UGGT2: variants seen among roughly 807,000 people sequenced by gnomAD.
UGGT2 encodes UDP-glucose glycoprotein glucosyltransferase 2.
UGGT2 carries 180 observed loss-of-function variants against 192.1 expected under a neutral mutation model. That is an observed-to-expected ratio of 0.94 (90% CI 0.83 to 1.06). The LOEUF is 1.06. UGGT2 is among the 50% of genes least tolerant of loss of function. The pLI is 0.00. For synonymous variants in UGGT2, 580 were observed against 591.0 expected (o/e 0.98, Z 0.27); for missense variants, 1,849 against 1,795.7 (o/e 1.03, Z -0.54).
chr13:96,049,553 A>G (rs1424849293), intron 1 of UGGT2, among the ~76,000 whole-genome samples: 1 of 152,216 alleles, frequency 6.6e-6, no homozygotes. Flanking sequence ...CTGTTGGCAG[A>G]TGATATGATT....
intron 26 of UGGT2, among the ~76,000 whole-genome samples, chr13:95,887,048 CA>C (rs1245738573): frequency 6.7e-6 from 1 of 150,236 alleles, no homozygotes; most frequent in Non-Finnish European, 1.5e-5. Flanking sequence ...AACCTGTCTC[CA>C]AAAAAAATAA....
At chr13:96,013,612 A>T in intron 4 of UGGT2, 131 bp from the exon 5 acceptor site, 1 of 628,668 alleles carries the variant, frequency 1.6e-6, no homozygotes, top group Non-Finnish European at 2.3e-6. Flanking sequence ...ATTTCCTGTG[A>T]TGACTTTGTA....
chr13:95,887,935 A>T lies in UGGT2; in HGVS notation c.2995T>A (p.Phe999Ile), dbSNP rs138386051. 1 of 1,604,288 alleles carries T rather than the reference A, an allele frequency of 6.2e-7. No homozygotes were observed. Among genetic ancestry groups the T allele is most frequent in the South Asian group, 1.1e-5 (1 of 88,576 alleles). ...GKIINMKIKL[F>I]MNCRGRLSEA... ...GAAAGCCTGCCCCTACAGTTCATGAACAACTTTATCTTCATGTTGATAATC... is the reference window on the plus strand; with the variant it reads ...GAAAGCCTGCCCCTACAGTTCATGATCAACTTTATCTTCATGTTGATAATC... The change falls in exon 26 of 39, where the codon TTC (phenylalanine) becomes ATC (isoleucine). Residue 999 changes from phenylalanine to isoleucine, a missense_variant. Phe to Ile is a conservative substitution (Grantham distance 21). Coordinates refer to ENST00000376747, the MANE Select transcript of UGGT2 (RefSeq NM_020121.4).
At chr13:95,820,581 G>A (rs1885408080) in intron 38 of UGGT2, among the ~76,000 whole-genome samples, 1 of 152,172 alleles carries the variant, frequency 6.6e-6, no homozygotes, top group Admixed American at 6.5e-5. Flanking sequence ...AATAGGTCAT[G>A]ACCAAGTGAA....
chr13:95,825,398 G>A (rs71433099), intron 38 of UGGT2, among the ~76,000 whole-genome samples: 1 of 152,096 alleles, frequency 6.6e-6, no homozygotes, highest in African/African-American at 2.4e-5. Context: ...GGAAGAGTGA[G>A]AGCCACCTCA....
At chr13:95,830,306 T>C (rs1038337640) in intron 38 of UGGT2, among the ~76,000 whole-genome samples, 1 of 152,134 alleles carries the variant, frequency 6.6e-6, no homozygotes, top group Non-Finnish European at 1.5e-5. Context: ...AAAGCGCTTC[T>C]GCACAGCAAA....
chr13:96,039,735 C>A (rs530011730), intron 1 of UGGT2, among the ~76,000 whole-genome samples: 1 of 152,282 alleles, frequency 6.6e-6, no homozygotes, highest in East Asian at 1.9e-4. Context: ...ATCTTTTCAG[C>A]TCATATCCAA....
chr13:96,031,071 G>A (rs1383423940), intron 2 of UGGT2, among the ~76,000 whole-genome samples: 2 of 152,154 alleles, frequency 1.3e-5, no homozygotes, highest in Non-Finnish European at 2.9e-5. Context: ...ATCTGTCAAG[G>A]AAGGTTCATC....
At chr13:96,018,406 C>T (rs2139096077) in intron 4 of UGGT2, among the ~76,000 whole-genome samples, 3 of 152,222 alleles carry the variant, frequency 2.0e-5, no homozygotes, top group Middle Eastern at 6.8e-3. Flanking sequence ...GTCCCATCTA[C>T]TCAGGAGGCT....
chr13:96,019,134 GGGGGA>G lies in UGGT2; in HGVS notation c.485+3901_485+3905del, dbSNP rs1483376652. On this transcript the variant is annotated intron_variant, in intron 4 of 38. Transcript: ENST00000376747. ...TTGCCCTACATAGCGGGGGGGGGGG[GGGGGA>G]ATGTTTCTGTCAGGCTGTAGAATTG... Among the ~76,000 whole-genome samples the G allele has an allele frequency of 2.2e-3, 263 of 121,964 alleles. 6 individuals carry two copies. The highest frequency in any genetic ancestry group is 7.8e-3 in the African/African-American group (256 of 32,712). 80.0% of individuals were successfully genotyped at this position (121,964 alleles called of 152,430 possible).
intron 5 of UGGT2, among the ~76,000 whole-genome samples, chr13:96,004,815 C>T (rs895162805): frequency 6.6e-6 from 1 of 151,892 alleles, no homozygotes; most frequent in South Asian, 2.1e-4. Flanking sequence ...ATTAAACAGC[C>T]ACCTAGTTAT....
intron 12 of UGGT2, among the ~76,000 whole-genome samples, chr13:95,965,147 T>C (rs2050529069): frequency 6.6e-6 from 1 of 151,292 alleles, no homozygotes; most frequent in African/African-American, 2.4e-5. Context: ...TTGGTGGGAC[T>C]GTAAACTAGT....
rs2052301390 is a variant in UGGT2, at chr13:96,015,355, T to C, written c.486-1874A>G. ...AGGAGATAAATATTGAGGTTGAATATAAAAGGAAAAATTAGAGGAAATGGA... is the reference window on the plus strand; with the variant it reads ...AGGAGATAAATATTGAGGTTGAATACAAAAGGAAAAATTAGAGGAAATGGA... On this transcript the variant is annotated intron_variant, in intron 4 of 38. Transcript: ENST00000376747. 1.3e-5 allele frequency among the ~76,000 whole-genome samples: 2 copies of C among 150,470 alleles called. 1 individual carries two copies. Among genetic ancestry groups the C allele is most frequent in the South Asian group, 4.2e-4 (2 of 4,718 alleles).
intron 38 of UGGT2, among the ~76,000 whole-genome samples, chr13:95,825,500 G>A (rs1005800921): frequency 1.3e-5 from 2 of 152,118 alleles, no homozygotes; most frequent in Non-Finnish European, 2.9e-5. Context: ...TTATCTGTAG[G>A]CATGTTGATG....
Position 95,825,319 on chromosome 13 carries a change from C to G in UGGT2, c.4528+7608G>C, listed in dbSNP as rs1596709. Among the ~76,000 whole-genome samples, 544 of 152,200 alleles carry G rather than the reference C, an allele frequency of 3.6e-3. 6 individuals are homozygous for G. Among genetic ancestry groups the G allele is most frequent in the African/African-American group, 0.012 (514 of 41,544 alleles). ...GGTAAATGTAATATCCAATGGTGGA[C>G]AGAGGTACCAGCCTTGATGAAGGTG... On this transcript the variant is annotated intron_variant, in intron 38 of 38. Coordinates refer to ENST00000376747, the MANE Select transcript of UGGT2 (RefSeq NM_020121.4).
At chr13:96,008,930 G>C (rs1476161266) in intron 5 of UGGT2, among the ~76,000 whole-genome samples, 1 of 152,076 alleles carries the variant, frequency 6.6e-6, no homozygotes, top group Non-Finnish European at 1.5e-5. Flanking sequence ...GCAATCCTAA[G>C]CAAAAAGAAC....
intron 27 of UGGT2, among the ~76,000 whole-genome samples, chr13:95,878,127 G>C (rs1473131261): frequency 1.3e-5 from 2 of 151,810 alleles, no homozygotes; most frequent in African/African-American, 4.8e-5. Flanking sequence ...ACGTGAACAT[G>C]AGATTTAGAT....
chr13:95,992,609 G>A (rs977590911), intron 7 of UGGT2, among the ~76,000 whole-genome samples: 3 of 152,074 alleles, frequency 2.0e-5, no homozygotes, highest in African/African-American at 4.8e-5. Context: ...GGGTTTCCTA[G>A]GCAAAAGACA....
At chr13:95,810,132 C>CT (rs995968860) in intron 38 of UGGT2, among the ~76,000 whole-genome samples, 7 of 152,118 alleles carry the variant, frequency 4.6e-5, no homozygotes, top group African/African-American at 9.6e-5. Flanking sequence ...AGCAATTCGA[C>CT]TTTTTTTTGT....
Sources: allele counts gnomAD v4.1 joint callset (sites outside exome capture counted in the v4.1 genomes callset), GRCh38; gene constraint gnomAD v4.1.1; transcripts MANE v1.5; gene names NCBI Gene and HGNC (gene_info 2026-07-23, HGNC 2026-07-21).